The following TERF2 variants were observed in gnomAD, a reference collection of about 807,000 sequenced individuals.
TERF2 encodes telomeric repeat-binding factor 2.
Under a neutral mutation model 56.1 loss-of-function variants are expected in TERF2, and 16 were observed. The ratio of observed to expected loss-of-function variants is 0.29; its 90% confidence interval spans 0.19 to 0.43. The LOEUF (loss-of-function observed/expected upper bound fraction) is 0.43, where lower values mean the gene tolerates loss of function less well. Among genes scored for constraint, TERF2 ranks in the 20% least tolerant of loss-of-function variants. The pLI is 1.00. For missense variants in TERF2, 547 were observed against 712.9 expected (o/e 0.77, Z 2.65); for synonymous variants, 296 against 282.1 (o/e 1.05, Z -0.50).
At chr16:69,358,076 G>T (rs1442325137) in intron 8 of TERF2, among the ~76,000 whole-genome samples, 3 of 132,368 alleles carry the variant, frequency 2.3e-5, no homozygotes, top group South Asian at 2.5e-4. Context: ...GCAGTGGAGC[G>T]ATCTCGGCTC....
Position 69,368,415 on chromosome 16 carries a change from G to A in TERF2, c.908C>T (p.Ala303Val). The stretch of plus-strand genomic sequence containing the variant: ...GGGTGGCTTTTCCACAGGCCCTGGT[G>A]CTGGCTGTTTATCTTCCTTCCCTGT... ...SSTGKEDKQP[A>V]PGPVEKPPRE... Residue 303 changes from alanine (A) to valine (V), a missense_variant, in exon 6 of 10, where the codon GCA becomes GTA. By Grantham distance (64) the Ala-to-Val change is moderately conservative. Around this residue, in one of 6 missense-constraint regions of TERF2, gnomAD observed 211 missense variants for 236.8 expected, o/e 0.89. Coordinates refer to ENST00000254942, the MANE Select transcript of TERF2 (RefSeq NM_005652.5). 1 of 1,614,096 alleles carries A rather than the reference G, an allele frequency of 6.2e-7. No homozygotes were observed. The highest frequency in any genetic ancestry group is 2.2e-5 in the East Asian group (1 of 44,880).
At chr16:69,364,184 G>A (rs1417557438) in intron 7 of TERF2, among the ~76,000 whole-genome samples, 1 of 152,080 alleles carries the variant, frequency 6.6e-6, no homozygotes, top group African/African-American at 2.4e-5. Context: ...AAGGTGCCGT[G>A]GGAGATACAA....
intron 3 of TERF2, among the ~76,000 whole-genome samples, chr16:69,373,299 C>G (rs1252626974): frequency 2.0e-5 from 3 of 151,962 alleles, no homozygotes; most frequent in Admixed American, 1.3e-4. Context: ...TCACCAGCCA[C>G]AGAGAGAAAG....
chr16:69,371,599 G>C lies in TERF2; in HGVS notation c.693+670C>G, dbSNP rs1287152477. Among the ~76,000 whole-genome samples, 5 of 151,678 alleles carry C rather than the reference G, an allele frequency of 3.3e-5. 1 individual carries two copies. Among genetic ancestry groups the C allele is most frequent in the Non-Finnish European group, 5.9e-5 (4 of 67,966 alleles). On this transcript the variant is annotated intron_variant, in intron 4 of 9. Transcript: ENST00000254942. The stretch of plus-strand genomic sequence containing the variant: ...GGAGGCCGAGGTGGTAGGATCACTT[G>C]AGCCCAGGAGTTCCAGACCAGCCTG...
intron 7 of TERF2, 115 bp downstream of exon 7, chr16:69,366,692 G>A (rs2013357459): frequency 7.4e-7 from 1 of 1,350,508 alleles, no homozygotes; most frequent in South Asian, 1.5e-5. Flanking sequence ...AGCAGTCTGA[G>A]CAAGCCTTGG....
intron 4 of TERF2, 79 bp downstream of exon 4, chr16:69,372,190 C>T: frequency 9.9e-7 from 1 of 1,014,752 alleles, no homozygotes; most frequent in Non-Finnish European, 1.5e-6. Context: ...TATTCCTGAC[C>T]AAGAACCCTT....
chr16:69,362,796 AGT>A (rs146375475), intron 7 of TERF2, among the ~76,000 whole-genome samples: 1 of 152,338 alleles, frequency 6.6e-6, no homozygotes, highest in Non-Finnish European at 1.5e-5. Context: ...AAACATGGAA[AGT>A]GTCTGAATTC....
intron 4 of TERF2, among the ~76,000 whole-genome samples, chr16:69,371,351 A>G (rs2013567433): frequency 6.6e-6 from 1 of 151,558 alleles, no homozygotes; most frequent in East Asian, 1.9e-4. Context: ...AATTTAAAAA[A>G]TTAGCCCAGC....
intron 4 of TERF2, among the ~76,000 whole-genome samples, chr16:69,371,130 T>G (rs2013558041): frequency 6.6e-6 from 1 of 152,164 alleles, no homozygotes; most frequent in Non-Finnish European, 1.5e-5. Flanking sequence ...GAGAGTATTT[T>G]CACCAAACTC....
At position 69,355,990 on chromosome 16, in the gene TERF2, TTAAC is replaced by T; in HGVS notation, c.*904_*907del. The T allele has an allele frequency of 3.8e-6, 1 of 264,202 alleles. No homozygotes were observed. 16.4% of individuals were successfully genotyped at this position (264,202 alleles called of 1,614,324 possible). Reference sequence around the variant, plus strand: ...GTTCAACCACATGAGAAGTGGAGGATTAACCTGCCTACATAGCCCAGCAGATGTT... The same window carrying T: ...GTTCAACCACATGAGAAGTGGAGGATCTGCCTACATAGCCCAGCAGATGTT... On this transcript the variant is annotated 3_prime_UTR_variant, in exon 10 of 10. Coordinates refer to ENST00000254942, the MANE Select transcript of TERF2 (RefSeq NM_005652.5).
intron 3 of TERF2, among the ~76,000 whole-genome samples, chr16:69,382,496 T>C (rs987327722): frequency 2.0e-5 from 3 of 152,314 alleles, no homozygotes; most frequent in Non-Finnish European, 1.5e-5. Flanking sequence ...CGGAGTCCCA[T>C]TCACACTCTA....
chr16:69,374,303 AC>A (rs1279026682), intron 3 of TERF2, among the ~76,000 whole-genome samples: 4 of 151,914 alleles, frequency 2.6e-5, no homozygotes, highest in Non-Finnish European at 2.9e-5. Context: ...AGGATCCAAA[AC>A]CCTGCCTTGG....
At position 69,385,813 on chromosome 16, in the gene TERF2, G is replaced by A. The variant is rs2014182125; in HGVS notation, c.159C>T (p.Ser53=). The change falls in exon 1 of 10, where the codon AGC becomes AGT. Residue 53 remains serine, a synonymous_variant. Transcript: ENST00000254942. ...MAGGGGSSDG[S]GRAAGRRASR... ...ACGCCCGCCTGCCAGCTGCCCGCCC[G>A]CTGCCGTCGCTACTCCCGCCTCCTC... The A allele has an allele frequency of 3.1e-6, 4 of 1,310,336 alleles. No individual in the cohort carries two copies. The South Asian group carries it at 6.8e-5, about 22-fold the overall frequency. The allele number at this position is 1,310,336 out of a possible 1,614,324, so 81.2% of individuals were successfully genotyped here. A position where few individuals can be genotyped will look rare whatever the true frequency, so the allele number is the denominator to read the frequency against.
At chr16:69,358,068 A>G (rs1221347960) in intron 8 of TERF2, among the ~76,000 whole-genome samples, 2 of 150,566 alleles carry the variant, frequency 1.3e-5, no homozygotes, top group Non-Finnish European at 2.9e-5. Flanking sequence ...GCTGGAGTGC[A>G]GTGGAGCGAT....
In TERF2 at chr16:69,368,397, T is replaced by G; in HGVS notation, c.926A>C (p.Lys309Thr). The G allele has an allele frequency of 6.2e-7, 1 of 1,613,956 alleles. No individual in the cohort carries two copies. Among genetic ancestry groups the G allele is most frequent in the Non-Finnish European group, 8.5e-7 (1 of 1,180,000 alleles). Residue 309 changes from lysine to threonine, a missense_variant, in exon 6 of 10, where the codon AAG (lysine) becomes ACG (threonine). This residue lies in a region of TERF2 where 211 missense variants were observed against 236.8 expected (regional missense o/e 0.89). Transcript: ENST00000254942. ...DKQPAPGPVEKPPREPARQLR... is the reference protein window; with the variant it reads ...DKQPAPGPVETPPREPARQLR... Reference sequence around the variant, plus strand: ...TTACCTTGCGGGTTCTCTGGGTGGCTTTTCCACAGGCCCTGGTGCTGGCTG... The same window carrying G: ...TTACCTTGCGGGTTCTCTGGGTGGCGTTTCCACAGGCCCTGGTGCTGGCTG...
intron 3 of TERF2, among the ~76,000 whole-genome samples, chr16:69,382,685 G>A (rs1057264734): frequency 7.2e-5 from 11 of 152,200 alleles, no homozygotes; most frequent in Non-Finnish European, 1.6e-4. Context: ...AAGAGGCCAG[G>A]AGCTGAAGTG....
rs777966760 is a variant in TERF2, at chr16:69,385,837, T to C, written c.135A>G (p.Gly45=). ...EGARRSDTMA[G]GGGSSDGSGR... is the part of the protein sequence containing the mutation. ...CGCTGCCGTCGCTACTCCCGCCTCC[T>C]CCCGCCATCGTGTCCGATCGCCGCG... Residue 45 remains glycine (G), a synonymous_variant, in exon 1 of 10, where the codon GGA becomes GGG. Coordinates refer to ENST00000254942, the MANE Select transcript of TERF2 (RefSeq NM_005652.5). 3.6e-5 allele frequency: 48 copies of C among 1,352,102 alleles called. No individual in the cohort carries two copies. The highest frequency in any genetic ancestry group is 2.2e-5 in the Non-Finnish European group (23 of 1,050,082). 83.8% of individuals were successfully genotyped at this position (1,352,102 alleles called of 1,614,324 possible).
Position 69,374,166 on chromosome 16 carries a change from T to A in TERF2, c.607-1811A>T, listed in dbSNP as rs569801339. ...ACTTTCTTGAATACAAAGTTTTTAC[T>A]TTTTTAATCATACAGGTCTTACTGT... On this transcript the variant is annotated intron_variant, in intron 3 of 9. Coordinates refer to ENST00000254942, the MANE Select transcript of TERF2 (RefSeq NM_005652.5). Among the ~76,000 whole-genome samples, 9 of 152,370 alleles carry A rather than the reference T, an allele frequency of 5.9e-5. No homozygotes were observed. The South Asian group carries it at 1.2e-3, about 21-fold the overall frequency.
intron 7 of TERF2, among the ~76,000 whole-genome samples, chr16:69,363,270 G>A (rs1379896707): frequency 1.3e-5 from 2 of 152,178 alleles, no homozygotes; most frequent in East Asian, 3.8e-4. Context: ...GTCCCCAGCT[G>A]GTCCGTCATG....
Sources: allele counts gnomAD v4.1 joint callset (sites outside exome capture counted in the v4.1 genomes callset), GRCh38; gene constraint gnomAD v4.1.1; regional missense constraint gnomAD v4.1.1; transcripts MANE v1.5; gene names NCBI Gene and HGNC (gene_info 2026-07-23, HGNC 2026-07-21).